SSB: variants seen among roughly 807,000 people sequenced by gnomAD.
SSB encodes the protein lupus La protein.
In SSB, 17 loss-of-function variants were observed where a neutral mutation model predicts 52.9. That is an observed-to-expected ratio of 0.32 (90% CI 0.22 to 0.48). The LOEUF is 0.48. SSB is among the 20% of genes least tolerant of loss of function. The pLI is 0.99. For synonymous variants in SSB, 111 were observed against 152.1 expected (o/e 0.73, Z 1.99); for missense variants, 314 against 463.6 (o/e 0.68, Z 2.96).
In SSB at chr2:169,810,852, G is replaced by A. The variant is rs771579536; in HGVS notation, c.811-6G>A. The A allele has an allele frequency of 3.8e-6, 6 of 1,599,918 alleles. No homozygotes were observed. In the African/African-American group the frequency reaches 8.1e-5, roughly 22 times the overall value. ...GTATGGCTTTTGTTTTCTGTCTCTG[G>A]TATAGGGGATAATTCTATTTAAAGA... On this transcript the variant is annotated splice_region_variant and splice_polypyrimidine_tract_variant and intron_variant, in intron 9 of 11. Coordinates refer to ENST00000260956, the MANE Select transcript of SSB (RefSeq NM_003142.5).
chr2:169,808,639 A>C (rs1689879166), intron 7 of SSB, 86 bp downstream of exon 7: 1 of 1,275,680 alleles, frequency 7.8e-7, no homozygotes, highest in Non-Finnish European at 1.1e-6. Context: ...AAATAGTGGC[A>C]GTAGACCTTT....
chr2:169,806,330 A>G (rs537253945), intron 4 of SSB, among the ~76,000 whole-genome samples: 1 of 152,182 alleles, frequency 6.6e-6, no homozygotes, highest in Non-Finnish European at 1.5e-5. Flanking sequence ...AATTAAATGA[A>G]AAAAAATATA....
chr2:169,811,309 A>C lies in SSB; in HGVS notation c.1124A>C (p.Glu375Ala), dbSNP rs1201618687. The C allele has an allele frequency of 1.3e-6, 2 of 1,587,772 alleles. No homozygotes were observed. The highest frequency in any genetic ancestry group is 1.7e-6 in the Non-Finnish European group (2 of 1,172,250). The change falls in exon 11 of 12, where the codon GAA becomes GCA. Residue 375 changes from glutamate (E) to alanine (A), a missense_variant. Physicochemically the swap from Glu to Ala is moderately radical, Grantham distance 107. Coordinates refer to ENST00000260956, the MANE Select transcript of SSB (RefSeq NM_003142.5). ...GATGATGAACATGATGAACATGATGAAAATGGTGCAACTGGTAAGTTTTTT... is the reference window on the plus strand; with the variant it reads ...GATGATGAACATGATGAACATGATGCAAATGGTGCAACTGGTAAGTTTTTT... Reference protein sequence around the residue: ...ASDDEHDEHDENGATGPVKRA... With the variant: ...ASDDEHDEHDANGATGPVKRA...
In SSB at chr2:169,806,900, A is replaced by G. The variant is rs1307871912; in HGVS notation, c.453+8A>G. The G allele has an allele frequency of 1.2e-6, 2 of 1,609,396 alleles. No homozygotes were observed. Among genetic ancestry groups the G allele is most frequent in the Admixed American group, 1.7e-5 (1 of 59,254 alleles). On this transcript the variant is annotated splice_region_variant and intron_variant, in intron 5 of 11. Transcript: ENST00000260956. ...TTGCATAAAGCATTTAAGGTATGAT[A>G]ATACAGACTTTTTCTAGTTTTAAAA...
At position 169,811,956 on chromosome 2, in the gene SSB, T is replaced by C. The variant is rs1689974167; in HGVS notation, c.*200T>C. ...ATTGTTCTGTTTGTGTTATTTCAGA[T>C]GATTCAAATATCAAAAGGAAGATTC... On this transcript the variant is annotated 3_prime_UTR_variant, in exon 12 of 12. Transcript: ENST00000260956. 2.2e-6 allele frequency: 3 copies of C among 1,346,540 alleles called. No individual in the cohort carries two copies. Among genetic ancestry groups the C allele is most frequent in the African/African-American group, 1.5e-5 (1 of 68,158 alleles). 83.4% of individuals were successfully genotyped at this position (1,346,540 alleles called of 1,614,324 possible). A position where few individuals can be genotyped will look rare whatever the true frequency, so the allele number is the denominator to read the frequency against.
At chr2:169,806,516 C>T (rs746702330) in intron 4 of SSB, 21 of 290,834 alleles carry the variant, frequency 7.2e-5, no homozygotes, top group Non-Finnish European at 1.1e-4. Flanking sequence ...CCATCACCAG[C>T]TTTAGTAGTT....
chr2:169,799,105 C>T (rs985965866), intron 1 of SSB, 129 bp downstream of exon 1: 1 of 152,016 alleles, frequency 6.6e-6, no homozygotes, highest in African/African-American at 2.4e-5. Context: ...ACGTTCAGGC[C>T]GAGCGCCGCG....
At chr2:169,806,699 C>T (rs1366866536) in intron 4 of SSB, 86 bp from the exon 5 acceptor site, 3 of 1,139,588 alleles carry the variant, frequency 2.6e-6, no homozygotes, top group Non-Finnish European at 3.8e-6. Flanking sequence ...GGGTTCATTT[C>T]AAGAAAAAAT....
At chr2:169,809,666 G>A (rs1445634908) in intron 8 of SSB, among the ~76,000 whole-genome samples, 2 of 151,688 alleles carry the variant, frequency 1.3e-5, no homozygotes, top group Non-Finnish European at 2.9e-5. Flanking sequence ...AGGCTGGAGT[G>A]CAGTGGCGCG....
chr2:169,806,913 T>C, intron 5 of SSB, 21 bp downstream of exon 5: 1 of 1,608,634 alleles, frequency 6.2e-7, no homozygotes, highest in African/African-American at 1.3e-5. Flanking sequence ...ACAGACTTTT[T>C]CTAGTTTTAA....
chr2:169,811,498 TG>T (rs1301277979), intron 11 of SSB, among the ~76,000 whole-genome samples, 169 bp from the exon 12 acceptor site: 2 of 152,196 alleles, frequency 1.3e-5, no homozygotes, highest in African/African-American at 2.4e-5. Flanking sequence ...ACAGGATATT[TG>T]GAAGATGAAT....
chr2:169,799,894 TAC>T (rs140244921), intron 1 of SSB, among the ~76,000 whole-genome samples: 4,687 of 152,314 alleles, frequency 0.031, 72 homozygotes, highest in Middle Eastern at 0.061. Flanking sequence ...ATAACTTTTG[TAC>T]AGTTGGGATG....
Position 169,807,760 on chromosome 2 carries a change from T to TTTTA in SSB, c.554+689_554+690insTTTA, listed in dbSNP as rs1553482596. Reference sequence around the variant, plus strand: ...GTCTTTTTTTTTTTTTTTTTTTTTTTACAGTACAAAGGATTTGAGATTTGG... The same window carrying TTTTA: ...GTCTTTTTTTTTTTTTTTTTTTTTTTTTTAACAGTACAAAGGATTTGAGATTTGG... On this transcript the variant is annotated intron_variant, in intron 6 of 11. Coordinates refer to ENST00000260956, the MANE Select transcript of SSB (RefSeq NM_003142.5). Among the ~76,000 whole-genome samples the TTTTA allele has an allele frequency of 4.3e-3, 569 of 132,424 alleles. 19 individuals are homozygous for TTTTA. Among genetic ancestry groups the TTTTA allele is most frequent in the East Asian group, 0.041 (176 of 4,262 alleles). The allele number at this position is 132,424 out of a possible 152,430, so 86.9% of individuals were successfully genotyped here.
intron 6 of SSB, 65 bp from the exon 7 acceptor site, chr2:169,808,417 T>TC: frequency 7.7e-7 from 1 of 1,299,294 alleles, no homozygotes; most frequent in South Asian, 1.2e-5. Context: ...CTTAAGTTAT[T>TC]CAAAATAATC....
At chr2:169,799,869 C>T (rs116478133) in intron 1 of SSB, among the ~76,000 whole-genome samples, 1,956 of 152,162 alleles carry the variant, frequency 0.013, 58 homozygotes, top group African/African-American at 0.044. Context: ...GCAATATTCT[C>T]GATGATTTGT....
Position 169,811,028 on chromosome 2 carries a change from C to G in SSB, c.981C>G (p.Asn327Lys), listed in dbSNP as rs1308312482. 1.2e-6 allele frequency: 2 copies of G among 1,610,290 alleles called. No individual in the cohort carries two copies. Among genetic ancestry groups the G allele is most frequent in the African/African-American group, 2.7e-5 (2 of 74,594 alleles). Reference protein sequence around the residue: ...KIIEDQQESLNKWKSKGRRFK... With the variant: ...KIIEDQQESLKKWKSKGRRFK... ...TAGAAGACCAACAAGAATCCCTAAA[C>G]AAATGGAAGTCAAAAGGTCATTTAT... is the stretch of plus-strand genomic sequence containing the variant. Residue 327 changes from asparagine to lysine, a missense_variant, in exon 10 of 12, where the codon AAC becomes AAG. Asn to Lys is a moderately conservative substitution (Grantham distance 94, BLOSUM62 0). Coordinates refer to ENST00000260956, the MANE Select transcript of SSB (RefSeq NM_003142.5).
chr2:169,807,121 A>G, intron 6 of SSB, 50 bp downstream of exon 6: 7 of 1,469,692 alleles, frequency 4.8e-6, no homozygotes, highest in Non-Finnish European at 6.7e-6. Flanking sequence ...ATATGGACAC[A>G]CACTAGGGTA....
chr2:169,803,302 G>C (rs1438106512), intron 2 of SSB, among the ~76,000 whole-genome samples: 1 of 152,000 alleles, frequency 6.6e-6, no homozygotes, highest in African/African-American at 2.4e-5. Flanking sequence ...TTGTCTCCCA[G>C]GCTGGAGTGC....
chr2:169,808,462 C>A lies in SSB; in HGVS notation c.555-20C>A, dbSNP rs370335726. The A allele has an allele frequency of 8.1e-6, 13 of 1,605,522 alleles. No individual in the cohort carries two copies. Among genetic ancestry groups the A allele is most frequent in the Non-Finnish European group, 1.1e-5 (13 of 1,172,816 alleles). ...AACTTTGTTCTCGTGAACTTAGCCT[C>A]TGTACTGTGTGTTCTTTAGGGACGA... On this transcript the variant is annotated intron_variant, in intron 6 of 11. Transcript: ENST00000260956.
Sources: gnomAD v4.1 joint callset for allele counts (sites outside exome capture counted in the v4.1 genomes callset) on GRCh38, gnomAD v4.1.1 for gene constraint, MANE v1.5 for transcripts, NCBI Gene and HGNC (gene_info 2026-07-23, HGNC 2026-07-21) for gene names.